Variants in ZNF583 observed in about 807,000 individuals in gnomAD.
The protein encoded by ZNF583 is zinc finger protein L3-5.
Under a neutral mutation model 55.3 loss-of-function variants are expected in ZNF583, and 30 were observed. The observed-to-expected ratio is 0.54, with a 90% CI of 0.41 to 0.74. The LOEUF (loss-of-function observed/expected upper bound fraction) is 0.74, where lower values mean the gene tolerates loss of function less well. Among genes scored for constraint, ZNF583 ranks in the 30% least tolerant of loss-of-function variants. ZNF583 has a pLI of 0.00. For synonymous variants in ZNF583, 208 were observed against 220.0 expected, an observed-to-expected ratio of 0.95 and a Z score of 0.48; for missense variants, 504 against 664.7, an observed-to-expected ratio of 0.76 and a Z score of 2.66.
intron 1 of ZNF583, among the ~76,000 whole-genome samples, chr19:56,406,672 G>A (rs994211027): frequency 4.5e-4 from 68 of 151,632 alleles, no homozygotes; most frequent in African/African-American, 1.5e-3. Flanking sequence ...GACTACAGGC[G>A]CCCGCCACCA....
intron 2 of ZNF583, among the ~76,000 whole-genome samples, chr19:56,408,867 CTA>C (rs1421644048): frequency 6.6e-6 from 1 of 152,132 alleles, no homozygotes; most frequent in East Asian, 1.9e-4. Flanking sequence ...CCTGGCTTTC[CTA>C]GACCTCATTT....
intron 4 of ZNF583, among the ~76,000 whole-genome samples, chr19:56,415,266 C>T (rs1478023429): frequency 6.6e-6 from 1 of 151,898 alleles, no homozygotes; most frequent in Non-Finnish European, 1.5e-5. Context: ...GATGATAACA[C>T]TTAATAGAAA....
At position 56,422,974 on chromosome 19, in the gene ZNF583, G is replaced by C. The variant is rs776798093; in HGVS notation, c.316G>C (p.Ala106Pro). The C allele has an allele frequency of 6.2e-7, 1 of 1,613,874 alleles. No homozygotes were observed. The change falls in exon 5 of 5, where the codon GCA (alanine) becomes CCA (proline). Residue 106 changes from alanine (A) to proline (P), a missense_variant. Transcript: ENST00000333201. ...ATCATCCAAAGTTGTGACAGTGGGA[G>C]CAAGACATCTTAGTTATAGCCTTGA... is the stretch of plus-strand genomic sequence containing the variant. ...EESSKVVTVG[A>P]RHLSYSLDYP... is the part of the protein sequence containing the mutation.
intron 2 of ZNF583, among the ~76,000 whole-genome samples, chr19:56,407,806 A>C (rs1243522268): frequency 6.6e-6 from 1 of 152,352 alleles, no homozygotes; most frequent in South Asian, 2.1e-4. Flanking sequence ...GACTAATGGG[A>C]GAGCACTTGA....
Position 56,426,652 on chromosome 19 carries a change from G to A in ZNF583, c.*2284G>A, listed in dbSNP as rs1291557181. The stretch of plus-strand genomic sequence containing the variant: ...GAGGCAACAGGTGACCAATAAATAT[G>A]TGGTAAGTACTAAATCTCCCTAGGA... On this transcript the variant is annotated 3_prime_UTR_variant, in exon 5 of 5. Transcript: ENST00000333201. 6.6e-6 allele frequency: 1 copy of A among 152,116 alleles called. No individual in the cohort carries two copies. The highest frequency in any genetic ancestry group is 1.5e-5 in the Non-Finnish European group (1 of 68,028). 9.4% of individuals were successfully genotyped at this position (152,116 alleles called of 1,614,324 possible). A position where few individuals can be genotyped will look rare whatever the true frequency, so the allele number is the denominator to read the frequency against.
Position 56,424,917 on chromosome 19 carries a change from G to C in ZNF583, c.*549G>C, listed in dbSNP as rs1458226740. The C allele has an allele frequency of 6.5e-6, 1 of 153,370 alleles. No individual in the cohort carries two copies. Among genetic ancestry groups the C allele is most frequent in the African/African-American group, 2.4e-5 (1 of 41,420 alleles). The allele number at this position is 153,370 out of a possible 1,614,324, so 9.5% of individuals were successfully genotyped here. A position where few individuals can be genotyped will look rare whatever the true frequency, so the allele number is the denominator to read the frequency against. Reference sequence around the variant, plus strand: ...TGTAAATTGCTCAGCAGCGTGCCTAGCATAAAGTAATTACTCAAACCATAA... The same window carrying C: ...TGTAAATTGCTCAGCAGCGTGCCTACCATAAAGTAATTACTCAAACCATAA... On this transcript the variant is annotated 3_prime_UTR_variant, in exon 5 of 5. Transcript: ENST00000333201.
intron 2 of ZNF583, among the ~76,000 whole-genome samples, chr19:56,410,302 G>A (rs1349737751): frequency 2.6e-5 from 4 of 152,094 alleles, no homozygotes; most frequent in African/African-American, 9.7e-5. Context: ...ATTTTTTTGA[G>A]GTTAAGTAAT....
chr19:56,414,214 G>A, intron 3 of ZNF583, 129 bp downstream of exon 3: 1 of 1,510,364 alleles, frequency 6.6e-7, no homozygotes, highest in Non-Finnish European at 9.1e-7. Context: ...TGAATTTGTA[G>A]AATTGGCAGC....
At chr19:56,405,699 A>G (rs1362203561) in intron 1 of ZNF583, among the ~76,000 whole-genome samples, 2 of 152,144 alleles carry the variant, frequency 1.3e-5, no homozygotes, top group Non-Finnish European at 2.9e-5. Flanking sequence ...ATTTAAAAGG[A>G]AAAAGGAATG....
chr19:56,420,334 A>G (rs1305788535), intron 4 of ZNF583, among the ~76,000 whole-genome samples: 2 of 152,180 alleles, frequency 1.3e-5, no homozygotes, highest in Non-Finnish European at 2.9e-5. Flanking sequence ...GACTTGGTTT[A>G]TGCCCCAGAA....
chr19:56,419,785 GT>G (rs2042385725), intron 4 of ZNF583, among the ~76,000 whole-genome samples: 1 of 152,050 alleles, frequency 6.6e-6, no homozygotes, highest in Non-Finnish European at 1.5e-5. Flanking sequence ...TTTCATCTGA[GT>G]TTTTCAATTT....
At chr19:56,414,581 T>C (rs2042289215) in intron 4 of ZNF583, 141 bp downstream of exon 4, 1 of 668,940 alleles carries the variant, frequency 1.5e-6, no homozygotes, top group Non-Finnish European at 2.5e-6. Flanking sequence ...TGAGGCATCT[T>C]TAGTATGAGC....
chr19:56,422,794 T>A, intron 4 of ZNF583, 97 bp from the exon 5 acceptor site: 2 of 840,020 alleles, frequency 2.4e-6, no homozygotes, highest in Non-Finnish European at 3.5e-6. Flanking sequence ...AGCTTTTAAA[T>A]CCTTTAACTT....
intron 4 of ZNF583, chr19:56,414,861 C>CAA (rs35096926): frequency 0.018 from 1,131 of 64,240 alleles, 23 homozygotes; most frequent in African/African-American, 0.057. Context: ...ACTAAAAATA[C>CAA]AAAAAAAAAA....
Position 56,406,828 on chromosome 19 carries a change from G to A in ZNF583, c.-89-198G>A, listed in dbSNP as rs117859328. Among the ~76,000 whole-genome samples, 323 of 152,268 alleles carry A rather than the reference G, an allele frequency of 2.1e-3. 1 individual carries two copies. Among genetic ancestry groups the A allele is most frequent in the Non-Finnish European group, 3.6e-3 (244 of 68,022 alleles). ...AGGCGTGAGCCACCGCGCCTGGCCC[G>A]TATGTTGTATTCTTAAGATCCAAAG... On this transcript the variant is annotated intron_variant, in intron 1 of 4. Coordinates refer to ENST00000333201, the MANE Select transcript of ZNF583 (RefSeq NM_152478.3).
chr19:56,416,531 A>G (rs1190482001), intron 4 of ZNF583, among the ~76,000 whole-genome samples: 1 of 151,344 alleles, frequency 6.6e-6, no homozygotes, highest in Non-Finnish European at 1.5e-5. Flanking sequence ...TGCTGAAATG[A>G]GAGCTTAATC....
At chr19:56,416,648 G>T (rs1368667439) in intron 4 of ZNF583, among the ~76,000 whole-genome samples, 1 of 149,236 alleles carries the variant, frequency 6.7e-6, no homozygotes, top group African/African-American at 2.5e-5. Context: ...TAGTGTTTTT[G>T]TTACTGCTGT....
In ZNF583 at chr19:56,408,870, G is replaced by A. The variant is rs148371405; in HGVS notation, c.9+1747G>A. On this transcript the variant is annotated intron_variant, in intron 2 of 4. Transcript: ENST00000333201. ...TGTGCTTCAGGTCCTGGCTTTCCTAGACCTCATTTTCTACAAGTATTTACC... is the reference window on the plus strand; with the variant it reads ...TGTGCTTCAGGTCCTGGCTTTCCTAAACCTCATTTTCTACAAGTATTTACC... 8.4e-3 allele frequency among the ~76,000 whole-genome samples: 1,273 copies of A among 152,172 alleles called. 8 individuals carry two copies. The highest frequency in any genetic ancestry group is 0.011 in the Non-Finnish European group (734 of 67,996).
intron 3 of ZNF583, 38 bp from the exon 4 acceptor site, chr19:56,414,307 T>A: frequency 6.2e-7 from 1 of 1,601,490 alleles, no homozygotes; most frequent in Non-Finnish European, 8.6e-7. Flanking sequence ...ATCTTATTTA[T>A]AGACCTGCCT....
Sources: allele counts gnomAD v4.1 joint callset (sites outside exome capture counted in the v4.1 genomes callset), GRCh38; gene constraint gnomAD v4.1.1; transcripts MANE v1.5; gene names NCBI Gene and HGNC (gene_info 2026-07-23, HGNC 2026-07-21).